The following ITSN1 variants were observed in gnomAD, a reference collection of about 807,000 sequenced individuals.
The protein encoded by ITSN1 is intersectin 1.
A neutral mutation model predicts 239.8 loss-of-function variants in ITSN1; 58 were observed. That is an observed-to-expected ratio of 0.24 (90% CI 0.20 to 0.30). The LOEUF is 0.30. Ranked by LOEUF, ITSN1 falls within the 10% of genes least tolerant of loss-of-function variation. ITSN1 has a pLI of 1.00. For missense variants in ITSN1, 1,558 were observed against 2,103.3 expected (o/e 0.74, Z 5.07); for synonymous variants, 780 against 770.8 (o/e 1.01, Z -0.20).
At chr21:33,687,977 G>A (rs1463016261) in intron 1 of ITSN1, among the ~76,000 whole-genome samples, 2 of 152,140 alleles carry the variant, frequency 1.3e-5, no homozygotes, top group African/African-American at 4.8e-5. Context: ...TTCCAAAATA[G>A]CAGATTTCTA....
In ITSN1 at chr21:33,819,246, A is replaced by T; in HGVS notation, c.2939A>T (p.Asp980Val). Residue 980 changes from aspartate to valine, a missense_variant, in exon 24 of 40, where the codon GAT becomes GTT. By Grantham distance (152) the Asp-to-Val change is radical (BLOSUM62 -3). This residue lies in a region of ITSN1 where 982 missense variants were observed against 1,209.9 expected (regional missense o/e 0.81). Coordinates refer to ENST00000381318, the MANE Select transcript of ITSN1 (RefSeq NM_003024.3). Reference protein sequence around the residue: ...SGPIRKSTSMDSGSSESPASL... With the variant: ...SGPIRKSTSMVSGSSESPASL... ...CTCTTCTTCCATTATTGCAGCATGG[A>T]TTCTGGTTCTTCAGAGAGTCCTGCT... The T allele has an allele frequency of 5.6e-6, 9 of 1,611,706 alleles. No homozygotes were observed. Among genetic ancestry groups the T allele is most frequent in the Non-Finnish European group, 7.6e-6 (9 of 1,178,342 alleles).
chr21:33,792,829 GT>G (rs763536223), intron 16 of ITSN1, among the ~76,000 whole-genome samples: 1 of 152,074 alleles, frequency 6.6e-6, no homozygotes, highest in Non-Finnish European at 1.5e-5. Flanking sequence ...CTGCCTGGAT[GT>G]TCCCAGTGTC....
At chr21:33,883,766 A>G (rs1985323353) in intron 36 of ITSN1, 95 bp downstream of exon 36, 7 of 1,453,010 alleles carry the variant, frequency 4.8e-6, no homozygotes, top group Non-Finnish European at 6.6e-6. Flanking sequence ...ATGTTTCCCA[A>G]GTGGCAATGC....
intron 27 of ITSN1, among the ~76,000 whole-genome samples, chr21:33,830,288 C>T (rs2074219943): frequency 6.6e-6 from 1 of 152,180 alleles, no homozygotes; most frequent in South Asian, 2.1e-4. Context: ...TACTGTTACG[C>T]AGTTCTCATG....
intron 10 of ITSN1, 56 bp from the exon 11 acceptor site, chr21:33,767,657 A>G (rs2068820026): frequency 1.1e-6 from 1 of 952,180 alleles, no homozygotes. Context: ...TAACTTGTCC[A>G]ACTCCACCCA....
chr21:33,723,702 A>G (rs1184892445), intron 4 of ITSN1, among the ~76,000 whole-genome samples: 1 of 152,208 alleles, frequency 6.6e-6, no homozygotes, highest in Non-Finnish European at 1.5e-5. Flanking sequence ...TTGGAGATAC[A>G]GTTACCCTCT....
chr21:33,832,803 TATCCCTCTTGATA>T (rs2074372475), intron 27 of ITSN1, among the ~76,000 whole-genome samples: 1 of 152,202 alleles, frequency 6.6e-6, no homozygotes, highest in Non-Finnish European at 1.5e-5. Flanking sequence ...GACCTAGAGG[TATCCCTCTTGATA>T]AACTGGCAGG....
rs376764190 is a variant in ITSN1 at position 33,882,179 on chromosome 21, G to T, written c.4342-64G>T. 1.4e-6 allele frequency: 2 copies of T among 1,401,602 alleles called. No individual in the cohort carries two copies. The highest frequency in any genetic ancestry group is 1.4e-5 in the African/African-American group (1 of 70,628). The allele number at this position is 1,401,602 out of a possible 1,614,324, so 86.8% of individuals were successfully genotyped here. On this transcript the variant is annotated intron_variant, in intron 34 of 39. Coordinates refer to ENST00000381318, the MANE Select transcript of ITSN1 (RefSeq NM_003024.3). This position sits in a 1 kb window ranked among gnomAD's most constrained non-coding sequence, Gnocchi z 4.5. ...GGGCCTGGCCTCTGATTCTGATGGA[G>T]CCCATGCTTTCAGATGCGGAGAAAC...
chr21:33,681,371 C>T (rs1310433344), intron 1 of ITSN1, among the ~76,000 whole-genome samples: 2 of 152,086 alleles, frequency 1.3e-5, no homozygotes, highest in African/African-American at 2.4e-5. Context: ...TCTCTGCAGA[C>T]AGTGGATCTA....
At chr21:33,827,732 A>C (rs1209646696) in intron 26 of ITSN1, among the ~76,000 whole-genome samples, 1 of 152,228 alleles carries the variant, frequency 6.6e-6, no homozygotes, top group Non-Finnish European at 1.5e-5. Flanking sequence ...AGCACGAAAA[A>C]GAAAAGAAAG....
intron 1 of ITSN1, among the ~76,000 whole-genome samples, chr21:33,657,981 G>A (rs1397002746): frequency 6.6e-6 from 1 of 152,006 alleles, no homozygotes; most frequent in Admixed American, 6.6e-5. Context: ...GCCAGATTCT[G>A]TTTTTAAAAA....
chr21:33,658,574 A>C (rs2089286130), intron 1 of ITSN1, among the ~76,000 whole-genome samples: 1 of 152,178 alleles, frequency 6.6e-6, no homozygotes, highest in Non-Finnish European at 1.5e-5. Context: ...ATCTTACGGG[A>C]CCACGATTGT....
At chr21:33,830,899 TG>T (rs1220450981) in intron 27 of ITSN1, among the ~76,000 whole-genome samples, 182 of 40,282 alleles carry the variant, frequency 4.5e-3, no homozygotes, top group African/African-American at 0.017. Context: ...GAGAAGAGGG[TG>T]GGGGGGGAGG....
chr21:33,784,349 A>ACACACACACACACACC (rs2070462047), intron 16 of ITSN1, among the ~76,000 whole-genome samples: 1 of 142,848 alleles, frequency 7.0e-6, no homozygotes, highest in Admixed American at 7.1e-5. Flanking sequence ...ACACACACAC[A>ACACACACACACACACC]CACACTAGTC....
At chr21:33,885,158 T>C in intron 37 of ITSN1, 35 bp downstream of exon 37, 1 of 1,560,644 alleles carries the variant, frequency 6.4e-7, no homozygotes, top group Non-Finnish European at 8.8e-7. Flanking sequence ...CCTGCACAGC[T>C]GGGCAGGAGG....
At chr21:33,834,259 TA>T in intron 27 of ITSN1, 47 bp from the exon 28 acceptor site, 1 of 1,383,082 alleles carries the variant, frequency 7.2e-7, no homozygotes, top group Non-Finnish European at 1.0e-6. Context: ...AGCTGTATTA[TA>T]AAAGATGCGC....
At chr21:33,752,123 T>G (rs2067594880) in intron 7 of ITSN1, among the ~76,000 whole-genome samples, 1 of 152,086 alleles carries the variant, frequency 6.6e-6, no homozygotes, top group South Asian at 2.1e-4. Flanking sequence ...GACATAACAT[T>G]TCCTTAAAGG....
chr21:33,721,249 C>T lies in ITSN1; in HGVS notation c.100C>T (p.Pro34Ser), dbSNP rs2065463452. The T allele has an allele frequency of 6.2e-7, 1 of 1,608,764 alleles. No homozygotes were observed. Among genetic ancestry groups the T allele is most frequent in the Non-Finnish European group, 8.5e-7 (1 of 1,175,192 alleles). ...TGATCAGCAGTTCCATAGTTTAAAGCCAATATCTGGATTCATTACTGGTAA... is the reference window on the plus strand; with the variant it reads ...TGATCAGCAGTTCCATAGTTTAAAGTCAATATCTGGATTCATTACTGGTAA... ...KHDQQFHSLK[P>S]ISGFITGDQA... The change falls in exon 3 of 40, where the codon CCA becomes TCA. Residue 34 changes from proline (P) to serine (S), a missense_variant. By Grantham distance (74) the Pro-to-Ser change is moderately conservative. Coordinates refer to ENST00000381318, the MANE Select transcript of ITSN1 (RefSeq NM_003024.3).
At chr21:33,757,328 A>T (rs1381342233) in intron 8 of ITSN1, among the ~76,000 whole-genome samples, 1 of 152,204 alleles carries the variant, frequency 6.6e-6, no homozygotes, top group Non-Finnish European at 1.5e-5. Flanking sequence ...GCACTTGAGC[A>T]TTTAGAACTT....
Sources: allele counts gnomAD v4.1 joint callset (sites outside exome capture counted in the v4.1 genomes callset), GRCh38; gene constraint gnomAD v4.1.1; regional missense constraint gnomAD v4.1.1; non-coding constraint Gnocchi (gnomAD v3.1); transcripts MANE v1.5; gene names NCBI Gene and HGNC (gene_info 2026-07-23, HGNC 2026-07-21).